The following LYPLAL1 variants were observed in gnomAD, a reference collection of about 807,000 sequenced individuals.
The protein encoded by LYPLAL1 is lysophospholipase like 1, also known as lysophospholipase-like protein 1.
LYPLAL1 carries 23 observed loss-of-function variants against 19.7 expected under a neutral mutation model. The ratio of observed to expected loss-of-function variants is 1.17; its 90% CI spans 0.84 to 1.65. The LOEUF is 1.65. Ranked by LOEUF, LYPLAL1 falls within the 40% of genes most tolerant of loss-of-function variation. The probability of loss-of-function intolerance (pLI) is 0.00; values close to 1 mark genes in which losing one functional copy is unlikely to be tolerated. For synonymous variants in LYPLAL1, 119 were observed against 96.3 expected, an observed-to-expected ratio of 1.24 and a Z score of -1.38; for missense variants, 355 against 279.4, an observed-to-expected ratio of 1.27 and a Z score of -1.93.
At chr1:219,333,451 G>A in the LYPLAL1 span, among the ~76,000 whole-genome samples, 32 of 152,050 alleles carry the variant, frequency 2.1e-4, no homozygotes, top group African/African-American at 7.2e-4. Flanking sequence ...TAGAACAGAG[G>A]TAAGGGTGGT....
At chr1:219,346,577 G>A in the LYPLAL1 span, among the ~76,000 whole-genome samples, 3 of 151,910 alleles carry the variant, frequency 2.0e-5, no homozygotes, top group African/African-American at 7.3e-5. Context: ...ATGTGTGCAG[G>A]AAAAGAATGA....
At chr1:219,439,974 C>CACATATATATATACATATAT in the LYPLAL1 span, among the ~76,000 whole-genome samples, 1 of 100,180 alleles carries the variant, frequency 1.0e-5, no homozygotes, top group African/African-American at 4.4e-5. Flanking sequence ...TATATATATA[C>CACATATATATATACATATAT]ATATATATAT....
At chr1:219,201,535 T>C (rs1259686204) in intron 3 of LYPLAL1, among the ~76,000 whole-genome samples, 2 of 151,862 alleles carry the variant, frequency 1.3e-5, no homozygotes, top group Non-Finnish European at 2.9e-5. Flanking sequence ...ATATGTTGAC[T>C]TATGAAATTA....
chr1:219,246,066 CTT>C, the LYPLAL1 span, among the ~76,000 whole-genome samples: 1 of 152,146 alleles, frequency 6.6e-6, no homozygotes, highest in Non-Finnish European at 1.5e-5. Flanking sequence ...GAGTGAACCT[CTT>C]TTCCCTTTTG....
At chr1:219,265,791 A>G in the LYPLAL1 span, among the ~76,000 whole-genome samples, 1 of 152,286 alleles carries the variant, frequency 6.6e-6, no homozygotes, top group South Asian at 2.1e-4. Context: ...AACCTGTACA[A>G]CATGGTATCG....
At chr1:219,231,653 A>G in the LYPLAL1 span, among the ~76,000 whole-genome samples, 2 of 152,182 alleles carry the variant, frequency 1.3e-5, no homozygotes, top group Admixed American at 1.3e-4. Context: ...AAAGCTAGAA[A>G]ATAAAAAGGA....
At chr1:219,284,012 T>G in the LYPLAL1 span, among the ~76,000 whole-genome samples, 1 of 152,298 alleles carries the variant, frequency 6.6e-6, no homozygotes, top group East Asian at 1.9e-4. Flanking sequence ...GGGAAGTGAT[T>G]GAATCATGGG....
the LYPLAL1 span, among the ~76,000 whole-genome samples, chr1:219,417,815 C>T: frequency 2.6e-5 from 4 of 152,368 alleles, no homozygotes; most frequent in South Asian, 4.1e-4. Flanking sequence ...CCTTCCAAGG[C>T]ATGTCGGGCA....
chr1:219,227,162 C>T, the LYPLAL1 span, among the ~76,000 whole-genome samples: 4 of 152,160 alleles, frequency 2.6e-5, no homozygotes, highest in Non-Finnish European at 5.9e-5. Context: ...ATTGTAAATG[C>T]TGAGAGATTT....
the LYPLAL1 span, among the ~76,000 whole-genome samples, chr1:219,298,509 T>C: frequency 6.6e-6 from 1 of 152,136 alleles, no homozygotes; most frequent in African/African-American, 2.4e-5. Context: ...TTCTTCCTCT[T>C]AGGGCAGTTA....
the LYPLAL1 span, among the ~76,000 whole-genome samples, chr1:219,322,120 G>A: frequency 6.6e-6 from 1 of 152,140 alleles, no homozygotes; most frequent in Non-Finnish European, 1.5e-5. Context: ...AGTTTTCATT[G>A]TTAGAACCTC....
At chr1:219,240,062 A>C in the LYPLAL1 span, among the ~76,000 whole-genome samples, 1 of 152,226 alleles carries the variant, frequency 6.6e-6, no homozygotes, top group South Asian at 2.1e-4. Context: ...TCTAAGACAC[A>C]TGGAAAAATA....
the LYPLAL1 span, among the ~76,000 whole-genome samples, chr1:219,395,491 A>C: frequency 2.0e-5 from 3 of 152,004 alleles, no homozygotes; most frequent in East Asian, 5.8e-4. Flanking sequence ...TTGTATATTT[A>C]AGTTCCTTAT....
At chr1:219,388,062 C>T in the LYPLAL1 span, among the ~76,000 whole-genome samples, 1 of 152,120 alleles carries the variant, frequency 6.6e-6, no homozygotes, top group African/African-American at 2.4e-5. Flanking sequence ...AATGTTTTAC[C>T]TCCTCCACTA....
At chr1:219,318,640 C>T in the LYPLAL1 span, among the ~76,000 whole-genome samples, 1 of 152,216 alleles carries the variant, frequency 6.6e-6, no homozygotes, top group East Asian at 1.9e-4. Flanking sequence ...CCCATAATGA[C>T]TAGATTACTA....
the LYPLAL1 span, among the ~76,000 whole-genome samples, chr1:219,311,928 A>G: frequency 1.3e-5 from 2 of 152,186 alleles, no homozygotes; most frequent in Non-Finnish European, 2.9e-5. Flanking sequence ...AATATTTTGA[A>G]TTCTATACAT....
chr1:219,427,722 A>G, the LYPLAL1 span, among the ~76,000 whole-genome samples: 1 of 152,216 alleles, frequency 6.6e-6, no homozygotes, highest in African/African-American at 2.4e-5. Flanking sequence ...GCATTACAAG[A>G]GTCTCTTGTG....
chr1:219,354,271 A>G, the LYPLAL1 span, among the ~76,000 whole-genome samples: 1 of 152,194 alleles, frequency 6.6e-6, no homozygotes, highest in Non-Finnish European at 1.5e-5. Flanking sequence ...ATCTTAGCTC[A>G]CTGGAACCTC....
the LYPLAL1 span, among the ~76,000 whole-genome samples, chr1:219,251,977 T>C: frequency 6.6e-6 from 1 of 152,098 alleles, no homozygotes. Context: ...GTAATTCTCA[T>C]TGTAGAGACC....
Sources: allele counts gnomAD v4.1 joint callset (sites outside exome capture counted in the v4.1 genomes callset), GRCh38; gene constraint gnomAD v4.1.1; transcripts MANE v1.5; gene names NCBI Gene and HGNC (gene_info 2026-07-23, HGNC 2026-07-21).